The following MAGI2 variants were observed in gnomAD, a reference collection of about 807,000 sequenced individuals.
The protein encoded by MAGI2 is membrane associated guanylate kinase, WW and PDZ domain containing 2, also known as membrane-associated guanylate kinase, WW and PDZ domain-containing protein 2.
MAGI2 carries 35 observed loss-of-function variants against 133.3 expected under a neutral mutation model. The observed-to-expected ratio is 0.26, with a 90% CI of 0.20 to 0.35. The LOEUF (loss-of-function observed/expected upper bound fraction) is 0.35. Among genes scored for constraint, MAGI2 ranks in the 10% least tolerant of loss-of-function variants. MAGI2 has a pLI of 1.00. For synonymous variants in MAGI2, 729 were observed against 710.6 expected, an observed-to-expected ratio of 1.03 and a Z score of -0.41; for missense variants, 1,636 against 1,863.4, an observed-to-expected ratio of 0.88 and a Z score of 2.25.
intron 2 of MAGI2, among the ~76,000 whole-genome samples, chr7:78,802,747 C>T (rs1476769770): frequency 6.6e-6 from 1 of 152,006 alleles, no homozygotes; most frequent in East Asian, 1.9e-4. Flanking sequence ...AAAGTGCAAT[C>T]TCATGTAAAG....
chr7:78,206,234 T>A (rs1829714254), intron 10 of MAGI2, among the ~76,000 whole-genome samples: 1 of 152,006 alleles, frequency 6.6e-6, no homozygotes, highest in South Asian at 2.1e-4. Context: ...AACTTTAATC[T>A]ATCATGATAT....
chr7:78,809,518 A>G (rs1429260015), intron 2 of MAGI2, among the ~76,000 whole-genome samples: 1 of 152,202 alleles, frequency 6.6e-6, no homozygotes. Flanking sequence ...TGGTGAGTCT[A>G]TTTAATTCTG....
chr7:78,637,663 A>G (rs1029316976), intron 2 of MAGI2, among the ~76,000 whole-genome samples: 1 of 152,014 alleles, frequency 6.6e-6, no homozygotes, highest in African/African-American at 2.4e-5. Flanking sequence ...TACACTTTGG[A>G]ATTAGTACTC....
At chr7:78,583,774 T>A (rs76491341) in intron 3 of MAGI2, among the ~76,000 whole-genome samples, 1 of 152,310 alleles carries the variant, frequency 6.6e-6, no homozygotes, top group East Asian at 1.9e-4. Context: ...GAATCAGCAA[T>A]ATTCTAGACA....
At chr7:78,773,171 C>A (rs1825722660) in intron 2 of MAGI2, among the ~76,000 whole-genome samples, 1 of 152,016 alleles carries the variant, frequency 6.6e-6, no homozygotes, top group Non-Finnish European at 1.5e-5. Flanking sequence ...ACAGACACAC[C>A]TAAGCATATC....
rs183641750 is a variant in MAGI2 at position 78,702,548 on chromosome 7, A to C, written c.419-75309T>G. ...GATTAAGTGACTTAATACATGTGAA[A>C]TAATTAGAACAATGATAGAGATTAG... On this transcript the variant is annotated intron_variant, in intron 2 of 21. Transcript: ENST00000354212. 2.6e-4 allele frequency among the ~76,000 whole-genome samples: 40 copies of C among 152,162 alleles called. 1 individual carries two copies. The highest frequency in any genetic ancestry group is 2.5e-3 in the Admixed American group (38 of 15,260).
chr7:79,142,982 A>G (rs984360112), intron 1 of MAGI2, among the ~76,000 whole-genome samples: 1 of 152,222 alleles, frequency 6.6e-6, no homozygotes, highest in Non-Finnish European at 1.5e-5. Flanking sequence ...CATGCTTCAC[A>G]TGACATTTCA....
chr7:78,604,321 G>A (rs1805560679), intron 3 of MAGI2, among the ~76,000 whole-genome samples: 1 of 152,132 alleles, frequency 6.6e-6, no homozygotes, highest in South Asian at 2.1e-4. Flanking sequence ...GATGGGCAAG[G>A]AGGGCATTTG....
At chr7:78,396,527 T>C (rs1796360592) in intron 6 of MAGI2, among the ~76,000 whole-genome samples, 1 of 152,216 alleles carries the variant, frequency 6.6e-6, no homozygotes, top group Non-Finnish European at 1.5e-5. Context: ...TATCACATGC[T>C]TACCTTGCCT....
chr7:79,010,617 G>T lies in MAGI2; in HGVS notation c.302-3411C>A, dbSNP rs118023374. Among the ~76,000 whole-genome samples the T allele has an allele frequency of 5.5e-4, 84 of 152,092 alleles. No individual in the cohort carries two copies. In the East Asian group the frequency reaches 0.014, roughly 24 times the overall value. ...TTGTTAATGATTCCTAGATTTGGTA[G>T]TTCATAGGATGCACACATCAATCGT... On this transcript the variant is annotated intron_variant, in intron 1 of 21. Coordinates refer to ENST00000354212, the MANE Select transcript of MAGI2 (RefSeq NM_012301.4).
At chr7:78,667,461 A>G (rs1311923981) in intron 2 of MAGI2, among the ~76,000 whole-genome samples, 2 of 151,388 alleles carry the variant, frequency 1.3e-5, no homozygotes, top group Admixed American at 6.6e-5. Context: ...ACATATGTAT[A>G]TATGTGCCAT....
chr7:79,093,699 T>TTTTTC (rs1424991627), intron 1 of MAGI2, among the ~76,000 whole-genome samples: 1 of 140,182 alleles, frequency 7.1e-6, no homozygotes, highest in African/African-American at 2.7e-5. Context: ...TTTCTCTTTC[T>TTTTTC]TTTTCTTTTC....
chr7:79,429,392 T>A (rs537834409), intron 1 of MAGI2, among the ~76,000 whole-genome samples: 2 of 152,180 alleles, frequency 1.3e-5, no homozygotes, highest in African/African-American at 4.8e-5. Context: ...AACCTCTGCC[T>A]CTCAGGTTCA....
intron 3 of MAGI2, among the ~76,000 whole-genome samples, chr7:78,536,363 C>T (rs1226061193): frequency 4.0e-5 from 6 of 151,746 alleles, no homozygotes; most frequent in South Asian, 2.1e-4. Context: ...CCGCCCGCCT[C>T]GGCCTCCCAA....
At chr7:78,798,374 A>G (rs975152160) in intron 2 of MAGI2, among the ~76,000 whole-genome samples, 1 of 152,142 alleles carries the variant, frequency 6.6e-6, no homozygotes, top group African/African-American at 2.4e-5. Context: ...TATTCTTATC[A>G]TGTTGGCAAC....
chr7:78,758,985 T>C (rs1824224429), intron 2 of MAGI2, among the ~76,000 whole-genome samples: 1 of 152,178 alleles, frequency 6.6e-6, no homozygotes, highest in Non-Finnish European at 1.5e-5. Flanking sequence ...GGCCTAAATA[T>C]ATCTTTATCT....
chr7:78,337,294 G>T (rs1789870953), intron 9 of MAGI2, among the ~76,000 whole-genome samples: 1 of 152,166 alleles, frequency 6.6e-6, no homozygotes, highest in Non-Finnish European at 1.5e-5. Context: ...AACATCATAG[G>T]ATCATCAGGG....
At chr7:78,800,286 T>C (rs1010582417) in intron 2 of MAGI2, among the ~76,000 whole-genome samples, 7 of 152,076 alleles carry the variant, frequency 4.6e-5, no homozygotes, top group Non-Finnish European at 8.8e-5. Flanking sequence ...GACAATTCAA[T>C]GTGGGTAGGC....
At chr7:78,635,397 T>C (rs1809519341) in intron 2 of MAGI2, among the ~76,000 whole-genome samples, 1 of 152,166 alleles carries the variant, frequency 6.6e-6, no homozygotes, top group Non-Finnish European at 1.5e-5. Flanking sequence ...TTCAAAAGAG[T>C]CACCAGCTTG....
Sources: allele counts gnomAD v4.1 joint callset (sites outside exome capture counted in the v4.1 genomes callset), GRCh38; gene constraint gnomAD v4.1.1; transcripts MANE v1.5; gene names NCBI Gene and HGNC (gene_info 2026-07-23, HGNC 2026-07-21).